The following SCNN1A variants were observed in gnomAD, a reference collection of about 807,000 sequenced individuals.
SCNN1A encodes epithelial sodium channel subunit alpha.
A neutral mutation model predicts 68.6 loss-of-function variants in SCNN1A; 65 were observed. The ratio of observed to expected loss-of-function variants is 0.95; its 90% CI spans 0.78 to 1.16. The LOEUF is 1.16. Among genes scored for constraint, SCNN1A ranks in the 50% most tolerant of loss-of-function variants. SCNN1A has a pLI of 0.00. For synonymous variants in SCNN1A, 357 were observed against 353.3 expected (o/e 1.01, Z -0.12); for missense variants, 880 against 865.9 (o/e 1.02, Z -0.20).
At chr12:6,370,945 G>GAAA (rs1283400002) in intron 2 of SCNN1A, among the ~76,000 whole-genome samples, 1 of 152,144 alleles carries the variant, frequency 6.6e-6, no homozygotes, top group Non-Finnish European at 1.5e-5. Flanking sequence ...ATGACTGTAG[G>GAAA]TATGACTGGC....
chr12:6,355,695 A>T, intron 5 of SCNN1A, 82 bp downstream of exon 5: 1 of 1,029,266 alleles, frequency 9.7e-7, no homozygotes, highest in Non-Finnish European at 1.5e-6. Context: ...CCCTCCCAGC[A>T]GCTCTAGGAG....
chr12:6,369,973 C>T (rs1335481227), intron 2 of SCNN1A, among the ~76,000 whole-genome samples: 2 of 152,136 alleles, frequency 1.3e-5, no homozygotes, highest in Non-Finnish European at 2.9e-5. Context: ...TGAAGACATC[C>T]GATCTTGTTT....
At chr12:6,369,221 C>T (rs893703214) in intron 2 of SCNN1A, among the ~76,000 whole-genome samples, 1 of 151,962 alleles carries the variant, frequency 6.6e-6, no homozygotes, top group Non-Finnish European at 1.5e-5. Flanking sequence ...CCCTGGGGAG[C>T]CCCCATGCCA....
In SCNN1A at chr12:6,351,459, T is replaced by C. The variant is rs965007781; in HGVS notation, c.1361-2054A>G. 1.3e-5 allele frequency among the ~76,000 whole-genome samples: 2 copies of C among 151,948 alleles called. No homozygotes were observed. The highest frequency in any genetic ancestry group is 1.9e-4 in the East Asian group (1 of 5,178). Reference sequence around the variant, plus strand: ...CAATATGGTGAAACCCCATCTCTACTAAAAAATACAAAAATTAGCTGGGCT... The same window carrying C: ...CAATATGGTGAAACCCCATCTCTACCAAAAAATACAAAAATTAGCTGGGCT... On this transcript the variant is annotated intron_variant, in intron 8 of 12. Coordinates refer to ENST00000228916, the MANE Select transcript of SCNN1A (RefSeq NM_001038.6). The surrounding 1 kb of genome is among the most constrained non-coding windows in gnomAD (Gnocchi z 4.2).
At chr12:6,364,370 G>C (rs541405199) in intron 2 of SCNN1A, among the ~76,000 whole-genome samples, 1 of 152,286 alleles carries the variant, frequency 6.6e-6, no homozygotes, top group East Asian at 1.9e-4. Context: ...GAGTAGCAGG[G>C]CCTGAGGGAT....
intron 2 of SCNN1A, among the ~76,000 whole-genome samples, chr12:6,371,134 C>T (rs545928738): frequency 1.3e-4 from 20 of 152,284 alleles, no homozygotes; most frequent in African/African-American, 4.6e-4. Flanking sequence ...CCTCCTCTCC[C>T]TCTGCTGGTG....
upstream of SCNN1A, chr12:6,377,212 C>T (rs753197542): frequency 5.9e-5 from 90 of 1,530,806 alleles, no homozygotes; most frequent in Non-Finnish European, 7.1e-5. Flanking sequence ...AAGTGAAAGC[C>T]GGTGTCAACC....
At chr12:6,348,430 A>G (rs1565474710) in intron 12 of SCNN1A, among the ~76,000 whole-genome samples, 177 bp from the exon 13 acceptor site, 1 of 150,804 alleles carries the variant, frequency 6.6e-6, no homozygotes, top group Non-Finnish European at 1.5e-5. Context: ...AGTGTCACCC[A>G]GAGAAAACTG....
rs752007565 is a variant in SCNN1A at position 6,349,338 on chromosome 12, C to T, written c.1428G>A (p.Arg476=). ...SDHLGCFTKC[R]KPCSVTSYQL... ...AAGGGGACACTAACCTGCATGGCTT[C>T]CGGCACTTGGTGAAACAGCCCAGGT... The change falls in exon 9 of 13, where the codon CGG becomes CGA. Residue 476 remains arginine (R), a synonymous_variant. Coordinates refer to ENST00000228916, the MANE Select transcript of SCNN1A (RefSeq NM_001038.6). 4 of 1,613,254 alleles carry T rather than the reference C, an allele frequency of 2.5e-6. No individual in the cohort carries two copies. The highest frequency in any genetic ancestry group is 3.4e-6 in the Non-Finnish European group (4 of 1,179,548).
chr12:6,349,108 G>T (rs3764874), intron 10 of SCNN1A, 56 bp downstream of exon 10: 5 of 1,603,002 alleles, frequency 3.1e-6, no homozygotes, highest in Admixed American at 3.3e-5. Flanking sequence ...CCCAGAGAAG[G>T]CCACAGCATT....
intron 2 of SCNN1A, among the ~76,000 whole-genome samples, chr12:6,364,476 C>T (rs1371530876): frequency 1.3e-5 from 2 of 152,108 alleles, no homozygotes; most frequent in Non-Finnish European, 2.9e-5. Context: ...TGCATTTAGG[C>T]CGGGTGTGGT....
intron 8 of SCNN1A, chr12:6,349,745 T>G (rs75760597): frequency 1.9e-5 from 5 of 257,112 alleles, no homozygotes; most frequent in Admixed American, 4.9e-5. Flanking sequence ...ATTTTTTTTT[T>G]AGACGGAGTT....
At position 6,351,216 on chromosome 12, in the gene SCNN1A, T is replaced by C. The variant is rs1319011409; in HGVS notation, c.1361-1811A>G. 3.9e-5 allele frequency among the ~76,000 whole-genome samples: 6 copies of C among 152,190 alleles called. No individual in the cohort carries two copies. The highest frequency in any genetic ancestry group is 1.4e-4 in the African/African-American group (6 of 41,436). ...ACAAGGGAGTGTTGTTATTCAGCCA[T>C]ATAAAGGAATGAGGCACTGCTATTG... On this transcript the variant is annotated intron_variant, in intron 8 of 12. Coordinates refer to ENST00000228916, the MANE Select transcript of SCNN1A (RefSeq NM_001038.6). The surrounding 1 kb of genome is among the most constrained non-coding windows in gnomAD (Gnocchi z 4.2).
chr12:6,349,474 C>T, intron 8 of SCNN1A, 69 bp from the exon 9 acceptor site: 1 of 1,116,704 alleles, frequency 9.0e-7, no homozygotes, highest in Non-Finnish European at 1.3e-6. Flanking sequence ...CCCAAGAGGT[C>T]TCCCAAGATC....
In SCNN1A at chr12:6,374,368, C is replaced by T. The variant is rs370256768; in HGVS notation, c.416G>A (p.Arg139Lys). ...AVTICTLNPY[R>K]YPEIKEELEE... ...GGAAGGGGCAGAGGGACTAACCGAC[C>T]TGTAGGGATTGAGGGTGCAGATGGT... The change falls in exon 2 of 13, where the codon AGG becomes AAG. Residue 139 changes from arginine to lysine, a missense_variant and splice_region_variant. Physicochemically the swap from Arg to Lys is conservative, Grantham distance 26. Coordinates refer to ENST00000228916, the MANE Select transcript of SCNN1A (RefSeq NM_001038.6). The surrounding 1 kb of genome is among the most constrained non-coding windows in gnomAD (Gnocchi z 6.2). The T allele has an allele frequency of 4.2e-5, 68 of 1,614,040 alleles. No individual in the cohort carries two copies. The highest frequency in any genetic ancestry group is 5.8e-5 in the Non-Finnish European group (68 of 1,180,000).
intron 12 of SCNN1A, 101 bp from the exon 13 acceptor site, chr12:6,348,354 C>G: frequency 6.3e-7 from 1 of 1,588,434 alleles, no homozygotes; most frequent in Non-Finnish European, 8.6e-7. Flanking sequence ...CCCTTCATCC[C>G]TGAAGACCCC....
At chr12:6,366,763 G>A (rs905828981) in intron 2 of SCNN1A, among the ~76,000 whole-genome samples, 2 of 150,732 alleles carry the variant, frequency 1.3e-5, no homozygotes, top group African/African-American at 4.9e-5. Context: ...TCTCGCCATT[G>A]CACTCCAGCC....
chr12:6,353,777 G>T (rs1374784997), intron 8 of SCNN1A: 1 of 128,780 alleles, frequency 7.8e-6, no homozygotes, highest in African/African-American at 3.3e-5. Flanking sequence ...TTTTAGTAGA[G>T]ACGGGGTTTC....
At chr12:6,377,001 G>A (rs1011997386), upstream of SCNN1A, among the ~76,000 whole-genome samples, 2 of 151,920 alleles carry the variant, frequency 1.3e-5, no homozygotes, top group Non-Finnish European at 2.9e-5. Context: ...TCAGAGATAA[G>A]ACATAAGAGC....
Sources: allele counts gnomAD v4.1 joint callset (sites outside exome capture counted in the v4.1 genomes callset), GRCh38; gene constraint gnomAD v4.1.1; non-coding constraint Gnocchi (gnomAD v3.1); transcripts MANE v1.5; gene names NCBI Gene and HGNC (gene_info 2026-07-23, HGNC 2026-07-21).